SLC36A1: variants seen among roughly 807,000 people sequenced by gnomAD.
SLC36A1 encodes solute carrier family 36 member 1.
In SLC36A1, 30 loss-of-function variants were observed where a neutral mutation model predicts 47.5. That is an observed-to-expected ratio of 0.63 (90% CI 0.47 to 0.86). The LOEUF is 0.86. SLC36A1 is among the 40% of genes least tolerant of loss of function. The pLI is 0.00. For missense variants in SLC36A1, 517 were observed against 606.0 expected (o/e 0.85, Z 1.54); for synonymous variants, 255 against 249.7 (o/e 1.02, Z -0.20).
chr5:151,542,202 G>A, the SLC36A1 span: 7 of 1,378,854 alleles, frequency 5.1e-6, no homozygotes, highest in Admixed American at 1.6e-4. Context: ...GCAAATCCAG[G>A]ACATGAACCC....
rs1196592673 is a variant in SLC36A1 at position 151,490,378 on chromosome 5, T to TCAGTGAGAA, written c.*2125_*2133dup. 1.3e-5 allele frequency: 2 copies of TCAGTGAGAA among 152,256 alleles called. No homozygotes were observed. Among genetic ancestry groups the TCAGTGAGAA allele is most frequent in the Non-Finnish European group, 2.9e-5 (2 of 68,070 alleles). The allele number at this position is 152,256 out of a possible 1,614,324, so 9.4% of individuals were successfully genotyped here. On this transcript the variant is annotated 3_prime_UTR_variant, in exon 11 of 11. Transcript: ENST00000243389. ...TTTCCCAGCGGTGCTAAGAGTGGTC[T>TCAGTGAGAA]CAGTGAGAAGGTAGATGCCAACTGG...
chr5:151,402,252 T>G, the SLC36A1 span, among the ~76,000 whole-genome samples: 148,679 of 152,318 alleles, frequency 0.98, 72,587 homozygotes, highest in Middle Eastern at 1. Context: ...TGATCATATG[T>G]TTTTTATGTT....
intron 10 of SLC36A1, among the ~76,000 whole-genome samples, chr5:151,483,748 G>T (rs1270849241): frequency 1.3e-5 from 2 of 152,148 alleles, no homozygotes; most frequent in Non-Finnish European, 2.9e-5. Flanking sequence ...TTGAACCCTG[G>T]GGGCTGCTGA....
At chr5:151,525,894 G>A in the SLC36A1 span, 1 of 1,614,180 alleles carries the variant, frequency 6.2e-7, no homozygotes, top group Admixed American at 1.7e-5. Context: ...ACGAGTAGGG[G>A]GGGCCATTCT....
At chr5:151,481,639 C>CTTTTTTTT (rs796528266) in intron 10 of SLC36A1, among the ~76,000 whole-genome samples, 2 of 145,894 alleles carry the variant, frequency 1.4e-5, no homozygotes, top group African/African-American at 5.0e-5. Context: ...AGTGTAGTTT[C>CTTTTTTTT]TTTTTTTTTT....
At chr5:151,492,871 A>G (rs1270591751), downstream of SLC36A1, among the ~76,000 whole-genome samples, 1 of 152,188 alleles carries the variant, frequency 6.6e-6, no homozygotes, top group East Asian at 1.9e-4. Context: ...TGGAGAAGAA[A>G]TTCTGCCTCC....
the SLC36A1 span, among the ~76,000 whole-genome samples, chr5:151,426,966 C>G: frequency 6.6e-6 from 1 of 152,326 alleles, no homozygotes; most frequent in East Asian, 1.9e-4. Context: ...TCCATTAAAC[C>G]TTGAGTCAAC....
At chr5:151,545,527 T>C in the SLC36A1 span, 1 of 1,614,154 alleles carries the variant, frequency 6.2e-7, no homozygotes, top group Non-Finnish European at 8.5e-7. Context: ...GGGAGGGGAA[T>C]CATTCACATC....
At chr5:151,355,341 G>GA in the SLC36A1 span, among the ~76,000 whole-genome samples, 473 of 146,240 alleles carry the variant, frequency 3.2e-3, 4 homozygotes, top group African/African-American at 0.011. Context: ...AAAGGGGAAA[G>GA]AAAAAAAAAT....
the SLC36A1 span, chr5:151,506,179 T>C: frequency 7.1e-7 from 1 of 1,408,982 alleles, no homozygotes; most frequent in Non-Finnish European, 9.3e-7. Context: ...ATATATAACC[T>C]AGCGAGTGGT....
intron 1 of SLC36A1, among the ~76,000 whole-genome samples, chr5:151,458,300 A>G (rs1311044797): frequency 1.2e-5 from 1 of 84,312 alleles, no homozygotes; most frequent in Admixed American, 1.0e-4. Flanking sequence ...ATATACATAC[A>G]CGTGTATATA....
rs1156305401 is a variant in SLC36A1 at position 151,474,159 on chromosome 5, CAAAAA to C, written c.822+404_822+408del. Among the ~76,000 whole-genome samples, 570 of 59,948 alleles carry C rather than the reference CAAAAA, an allele frequency of 9.5e-3. 17 individuals carry two copies. The highest frequency in any genetic ancestry group is 0.046 in the African/African-American group (546 of 11,992). The allele number at this position is 59,948 out of a possible 152,430, so 39.3% of individuals were successfully genotyped here. A position where few individuals can be genotyped will look rare whatever the true frequency, so the allele number is the denominator to read the frequency against. ...TGGGTGACAGAGCGAGACTCTGTCT[CAAAAA>C]AAAAAAAAAAAAAAAGAAATTATCT... is the stretch of plus-strand genomic sequence containing the variant. On this transcript the variant is annotated intron_variant, in intron 8 of 10. Transcript: ENST00000243389.
At chr5:151,438,739 A>G (rs1759925143) in intron 1 of SLC36A1, among the ~76,000 whole-genome samples, 1 of 152,048 alleles carries the variant, frequency 6.6e-6, no homozygotes, top group South Asian at 2.1e-4. Context: ...ACCATCTCTC[A>G]TGCACTCTCC....
the SLC36A1 span, chr5:151,381,174 T>A: frequency 2.2e-6 from 1 of 445,038 alleles, no homozygotes; most frequent in South Asian, 1.9e-5. Flanking sequence ...GAGCTGATGG[T>A]GGCTGTGAGG....
chr5:151,512,097 C>A, the SLC36A1 span: 1 of 1,468,070 alleles, frequency 6.8e-7, no homozygotes, highest in Non-Finnish European at 9.3e-7. The surrounding 1 kb of genome is among the most constrained non-coding windows in gnomAD (Gnocchi z 4.1). Context: ...TCCACCCTGA[C>A]ATGCTTTTCC....
chr5:151,364,537 T>A, the SLC36A1 span, among the ~76,000 whole-genome samples: 10 of 152,342 alleles, frequency 6.6e-5, no homozygotes, highest in African/African-American at 2.4e-4. Flanking sequence ...CCATTTTAAT[T>A]ATACTATTAA....
the SLC36A1 span, chr5:151,551,323 G>A: frequency 3.7e-6 from 3 of 813,286 alleles, no homozygotes; most frequent in African/African-American, 3.4e-5. Flanking sequence ...CAGAAGTAGA[G>A]AGTGTATTAG....
At chr5:151,525,730 C>A in the SLC36A1 span, 1 of 1,610,566 alleles carries the variant, frequency 6.2e-7, no homozygotes. Flanking sequence ...TCTTTACTGT[C>A]CCCATGGTCA....
chr5:151,414,897 G>A, the SLC36A1 span: 22,143 of 152,214 alleles, frequency 0.15, 2,084 homozygotes, highest in East Asian at 0.38. Flanking sequence ...CACAGCCACA[G>A]ATAGAAGCCT....
Sources: gnomAD v4.1 joint callset for allele counts (sites outside exome capture counted in the v4.1 genomes callset) on GRCh38, gnomAD v4.1.1 for gene constraint, Gnocchi (gnomAD v3.1) non-coding constraint, MANE v1.5 for transcripts, NCBI Gene and HGNC (gene_info 2026-07-23, HGNC 2026-07-21) for gene names.